LYRM4: variants seen among roughly 807,000 people sequenced by gnomAD.
LYRM4 encodes LYR motif containing 4.
A neutral mutation model predicts 11.7 loss-of-function variants in LYRM4; 9 were observed. That is an observed-to-expected ratio of 0.77 (90% CI 0.46 to 1.34). The LOEUF (loss-of-function observed/expected upper bound fraction) is 1.34. Among genes scored for constraint, LYRM4 ranks in the 40% most tolerant of loss-of-function variants. The probability of loss-of-function intolerance (pLI) is 0.00; values close to 1 mark genes in which losing one functional copy is unlikely to be tolerated. For missense variants in LYRM4, 133 were observed against 112.5 expected, an observed-to-expected ratio of 1.18 and a Z score of -0.82; for synonymous variants, 42 against 40.4, an observed-to-expected ratio of 1.04 and a Z score of -0.15.
At chr6:5,162,640 G>T (rs1321584685) in intron 2 of LYRM4, among the ~76,000 whole-genome samples, 1 of 152,174 alleles carries the variant, frequency 6.6e-6, no homozygotes, top group East Asian at 1.9e-4. Context: ...GTTTCCTGCT[G>T]TTGCATCCTT....
chr6:5,089,663 T>G, the LYRM4 span, among the ~76,000 whole-genome samples: 3 of 152,238 alleles, frequency 2.0e-5, no homozygotes, highest in Non-Finnish European at 4.4e-5. Flanking sequence ...AACTATTTCA[T>G]AATATAATGA....
chr6:5,260,204 G>A (rs1477745425), intron 1 of LYRM4, among the ~76,000 whole-genome samples: 1 of 152,178 alleles, frequency 6.6e-6, no homozygotes, highest in Non-Finnish European at 1.5e-5. Context: ...TTAGGGAGGT[G>A]CTAGAGTGTG....
chr6:5,122,803 C>T (rs538381400), intron 2 of LYRM4, among the ~76,000 whole-genome samples: 17 of 152,380 alleles, frequency 1.1e-4, no homozygotes, highest in African/African-American at 3.8e-4. Context: ...TCCCCGTCTG[C>T]ACGGTTTCCC....
At chr6:5,223,416 G>A (rs560505999) in intron 1 of LYRM4, among the ~76,000 whole-genome samples, 5 of 152,244 alleles carry the variant, frequency 3.3e-5, no homozygotes, top group Non-Finnish European at 4.4e-5. Flanking sequence ...CGCATGTCTC[G>A]TAAGTGGCAG....
At chr6:5,222,886 C>A (rs775402020) in intron 1 of LYRM4, among the ~76,000 whole-genome samples, 3 of 150,946 alleles carry the variant, frequency 2.0e-5, no homozygotes, top group Non-Finnish European at 2.9e-5. Flanking sequence ...AAATTAAATA[C>A]GTTGGTGAGA....
chr6:5,243,882 A>G (rs1352567137), intron 1 of LYRM4, among the ~76,000 whole-genome samples: 1 of 152,248 alleles, frequency 6.6e-6, no homozygotes, highest in Non-Finnish European at 1.5e-5. Flanking sequence ...TTCCAATGAC[A>G]TGAACCTTTT....
At chr6:5,202,179 A>G (rs1341904006) in intron 2 of LYRM4, among the ~76,000 whole-genome samples, 1 of 152,280 alleles carries the variant, frequency 6.6e-6, no homozygotes, top group Non-Finnish European at 1.5e-5. Context: ...TTGTGTAAAC[A>G]AAGTGCCCTG....
At chr6:5,180,571 C>G (rs750363301) in intron 2 of LYRM4, among the ~76,000 whole-genome samples, 1 of 152,150 alleles carries the variant, frequency 6.6e-6, no homozygotes, top group Admixed American at 6.5e-5. Flanking sequence ...AGTTTCCTGT[C>G]TTCCCACTTT....
At chr6:5,038,275 TC>T in the LYRM4 span, among the ~76,000 whole-genome samples, 1 of 52,392 alleles carries the variant, frequency 1.9e-5, no homozygotes, top group Non-Finnish European at 4.4e-5. Context: ...GCTCCTCACT[TC>T]CTAGATGGGA....
the LYRM4 span, among the ~76,000 whole-genome samples, chr6:5,064,387 C>A: frequency 1.3e-5 from 2 of 151,854 alleles, no homozygotes; most frequent in Non-Finnish European, 2.9e-5. Flanking sequence ...ATTTTTAGAG[C>A]AGTTTTAGGT....
chr6:5,187,868 T>C (rs1384797836), intron 2 of LYRM4, among the ~76,000 whole-genome samples: 1 of 151,956 alleles, frequency 6.6e-6, no homozygotes, highest in Non-Finnish European at 1.5e-5. Context: ...ATTTATGGTA[T>C]AATCTCATTT....
chr6:5,127,380 C>T (rs9504336), intron 2 of LYRM4, among the ~76,000 whole-genome samples: 1,692 of 152,176 alleles, frequency 0.011, 32 homozygotes, highest in African/African-American at 0.038. Context: ...CCACCGTGCC[C>T]GGCTGAATAA....
At chr6:5,233,464 T>C (rs1233157662) in intron 1 of LYRM4, among the ~76,000 whole-genome samples, 4 of 152,176 alleles carry the variant, frequency 2.6e-5, no homozygotes, top group African/African-American at 9.7e-5. Context: ...CTGGATTCAT[T>C]CGCAGAACCT....
At position 5,201,756 on chromosome 6, in the gene LYRM4, G is replaced by A. The variant is rs560746010; in HGVS notation, c.207+14862C>T. ...CAAGTCACTGGCTCTCAGTTGGAAGGGGTTAGCCAAGGCTACGAAAGTATA... is the reference window on the plus strand; with the variant it reads ...CAAGTCACTGGCTCTCAGTTGGAAGAGGTTAGCCAAGGCTACGAAAGTATA... On this transcript the variant is annotated intron_variant, in intron 2 of 2. Coordinates refer to ENST00000330636, the MANE Select transcript of LYRM4 (RefSeq NM_020408.6). Among the ~76,000 whole-genome samples, 5 of 152,224 alleles carry A rather than the reference G, an allele frequency of 3.3e-5. No individual in the cohort carries two copies. In the South Asian group the frequency reaches 1.0e-3, roughly 32 times the overall value.
Position 5,186,820 on chromosome 6 carries a change from C to A in LYRM4, c.207+29798G>T, listed in dbSNP as rs1000329162. The A allele has an allele frequency of 1.4e-5, 8 of 570,374 alleles. No individual in the cohort carries two copies. The highest frequency in any genetic ancestry group is 8.6e-5 in the Admixed American group (3 of 34,980). The allele number at this position is 570,374 out of a possible 1,614,324, so 35.3% of individuals were successfully genotyped here. ...CTAATACAGTGAAATCACATCTCTA[C>A]TAAGAATACAAAAATTAGCCAGGCG... On this transcript the variant is annotated intron_variant, in intron 2 of 2. Coordinates refer to ENST00000330636, the MANE Select transcript of LYRM4 (RefSeq NM_020408.6).
the LYRM4 span, among the ~76,000 whole-genome samples, chr6:5,097,521 GT>G: frequency 2.0e-4 from 30 of 152,264 alleles, no homozygotes; most frequent in African/African-American, 7.2e-4. Flanking sequence ...GATCATTTTT[GT>G]TGATTTTTTG....
At chr6:5,154,695 T>C (rs1469084732) in intron 2 of LYRM4, among the ~76,000 whole-genome samples, 6 of 152,140 alleles carry the variant, frequency 3.9e-5, no homozygotes, top group Non-Finnish European at 7.3e-5. Context: ...GTCACGCGCC[T>C]GTAGTCCCAG....
At chr6:5,252,707 A>C (rs1679825717) in intron 1 of LYRM4, among the ~76,000 whole-genome samples, 1 of 152,156 alleles carries the variant, frequency 6.6e-6, no homozygotes, top group South Asian at 2.1e-4. Context: ...AATGAGCAAA[A>C]GCAGAGTCCT....
At chr6:5,155,695 C>T (rs1457263154) in intron 2 of LYRM4, among the ~76,000 whole-genome samples, 1 of 152,186 alleles carries the variant, frequency 6.6e-6, no homozygotes, top group Non-Finnish European at 1.5e-5. Context: ...AAGTGTTGGG[C>T]CTGTTTTTCT....
Sources: gnomAD v4.1 joint callset for allele counts (sites outside exome capture counted in the v4.1 genomes callset) on GRCh38, gnomAD v4.1.1 for gene constraint, MANE v1.5 for transcripts, NCBI Gene and HGNC (gene_info 2026-07-23, HGNC 2026-07-21) for gene names.